Variants in EXOC2 observed in about 807,000 individuals in gnomAD.
EXOC2 encodes SEC5-like 1.
Under a neutral mutation model 131.8 loss-of-function variants are expected in EXOC2, and 70 were observed. That is an observed-to-expected ratio of 0.53 (90% CI 0.44 to 0.65). EXOC2 has a LOEUF of 0.65. EXOC2 is among the 30% of genes least tolerant of loss of function. The probability of loss-of-function intolerance (pLI) is 0.00; values close to 1 mark genes in which losing one functional copy is unlikely to be tolerated. For synonymous variants in EXOC2, 411 were observed against 398.4 expected (o/e 1.03, Z -0.38); for missense variants, 923 against 1,108.6 (o/e 0.83, Z 2.38).
chr6:692,342 T>A (rs1158311997), intron 1 of EXOC2, among the ~76,000 whole-genome samples: 1 of 152,242 alleles, frequency 6.6e-6, no homozygotes, highest in Non-Finnish European at 1.5e-5. Context: ...TTAACAATCT[T>A]GGGATACAGG....
At chr6:540,384 A>G (rs1337602910) in intron 22 of EXOC2, among the ~76,000 whole-genome samples, 1 of 152,226 alleles carries the variant, frequency 6.6e-6, no homozygotes, top group Non-Finnish European at 1.5e-5. Context: ...GAATAATCGG[A>G]AAGACACTGG....
At chr6:612,377 A>C (rs914516283) in intron 6 of EXOC2, among the ~76,000 whole-genome samples, 9 of 152,270 alleles carry the variant, frequency 5.9e-5, no homozygotes, top group African/African-American at 1.7e-4. Context: ...GAGAAGAGGA[A>C]GGGTTAGTGT....
At chr6:563,012 A>G (rs1230230790) in intron 16 of EXOC2, among the ~76,000 whole-genome samples, 167 bp from the exon 17 acceptor site, 1 of 152,258 alleles carries the variant, frequency 6.6e-6, no homozygotes, top group East Asian at 1.9e-4. Context: ...TGATTTAAGT[A>G]CATATTGTTC....
At chr6:604,849 T>G (rs1760315223) in intron 7 of EXOC2, among the ~76,000 whole-genome samples, 1 of 151,518 alleles carries the variant, frequency 6.6e-6, no homozygotes, top group African/African-American at 2.4e-5. Flanking sequence ...GGCCTCTGCT[T>G]GTCTGGGTAC....
chr6:615,119 T>C (rs895714290), intron 6 of EXOC2, among the ~76,000 whole-genome samples: 1 of 151,932 alleles, frequency 6.6e-6, no homozygotes, highest in African/African-American at 2.4e-5. Context: ...ATAGAGAATT[T>C]CAGGGAAAAC....
At chr6:686,231 G>T (rs916620283) in intron 1 of EXOC2, among the ~76,000 whole-genome samples, 3 of 151,612 alleles carry the variant, frequency 2.0e-5, no homozygotes, top group Non-Finnish European at 4.4e-5. Context: ...CAAAGTGCTG[G>T]GATTACAGGT....
chr6:642,053 C>G (rs1762379225), intron 1 of EXOC2, among the ~76,000 whole-genome samples: 1 of 152,070 alleles, frequency 6.6e-6, no homozygotes, highest in African/African-American at 2.4e-5. Context: ...CCACTCCTCT[C>G]CTCTGACATT....
chr6:614,205 A>C lies in EXOC2; in HGVS notation c.661+3506T>G, dbSNP rs528442166. ...CACGGGCCACACTAGATAATCTAAC[A>C]ATGGAATTTACGGTGAGGACTTAGG... is the stretch of plus-strand genomic sequence containing the variant. On this transcript the variant is annotated intron_variant, in intron 6 of 27. Transcript: ENST00000230449. Among the ~76,000 whole-genome samples the C allele has an allele frequency of 2.6e-5, 4 of 152,080 alleles. No individual in the cohort carries two copies. In the South Asian group the frequency reaches 8.3e-4, roughly 32 times the overall value.
At chr6:649,516 TA>T (rs141997420) in intron 1 of EXOC2, among the ~76,000 whole-genome samples, 4 of 151,602 alleles carry the variant, frequency 2.6e-5, no homozygotes, top group Non-Finnish European at 4.4e-5. Context: ...CTGGTTTGCT[TA>T]AAAAAAAATC....
intron 22 of EXOC2, among the ~76,000 whole-genome samples, chr6:547,042 GGT>G (rs1291990739): frequency 6.6e-6 from 1 of 152,196 alleles, no homozygotes; most frequent in East Asian, 1.9e-4. Context: ...TGCTCTTACA[GGT>G]CAAGTCCTTG....
At chr6:618,285 AT>A (rs1386081552) in intron 5 of EXOC2, among the ~76,000 whole-genome samples, 1 of 152,250 alleles carries the variant, frequency 6.6e-6, no homozygotes, top group African/African-American at 2.4e-5. Flanking sequence ...TGTTATACTT[AT>A]CAGTATCCAG....
chr6:598,119 A>G lies in EXOC2; in HGVS notation c.975T>C (p.Tyr325=), dbSNP rs756621504. ...KTEVQVFKKY[Y]AEVETRIEAL... ...CTTCAATCCTTGTTTCTACTTCAGC[A>G]TAATCTATTTAAAAAGAAAAGAATA... Residue 325 remains tyrosine, a synonymous_variant, in exon 10 of 28, where the codon TAT becomes TAC. Coordinates refer to ENST00000230449, the MANE Select transcript of EXOC2 (RefSeq NM_018303.6). The G allele has an allele frequency of 1.2e-6, 2 of 1,601,584 alleles. No individual in the cohort carries two copies. Among genetic ancestry groups the G allele is most frequent in the Non-Finnish European group, 1.7e-6 (2 of 1,172,850 alleles).
intron 1 of EXOC2, among the ~76,000 whole-genome samples, chr6:655,388 C>T (rs1763026326): frequency 6.6e-6 from 1 of 152,174 alleles, no homozygotes; most frequent in Non-Finnish European, 1.5e-5. Context: ...ATAATGCAAA[C>T]ATAACTTTTA....
At chr6:579,176 A>C (rs1043407673) in intron 11 of EXOC2, among the ~76,000 whole-genome samples, 1 of 152,188 alleles carries the variant, frequency 6.6e-6, no homozygotes, top group Non-Finnish European at 1.5e-5. Flanking sequence ...TTCCTGCAAA[A>C]ATACAATTAT....
At chr6:497,821 GAA>G in intron 24 of EXOC2, among the ~76,000 whole-genome samples, 1 of 152,114 alleles carries the variant, frequency 6.6e-6, no homozygotes. Flanking sequence ...AGAAATTAGA[GAA>G]ATAAGAACAT....
chr6:591,949 A>C (rs566790871), intron 11 of EXOC2, among the ~76,000 whole-genome samples: 1 of 152,210 alleles, frequency 6.6e-6, no homozygotes, highest in East Asian at 1.9e-4. Context: ...CTTCTCTGAG[A>C]CATTCCCACA....
chr6:549,224 G>A lies in EXOC2; in HGVS notation c.2189C>T (p.Ala730Val). The A allele has an allele frequency of 6.2e-7, 1 of 1,614,130 alleles. No individual in the cohort carries two copies. The highest frequency in any genetic ancestry group is 2.2e-5 in the East Asian group (1 of 44,880). The change falls in exon 22 of 28, where the codon GCA becomes GTA. Residue 730 changes from alanine to valine, a missense_variant. By Grantham distance (64) the Ala-to-Val change is moderately conservative. Transcript: ENST00000230449. ...GAAGTTGTGCTTTTCAAAATGTTCT[G>A]CGATATTTAGGAAGGTGTGACGTTC... ...YLERHTFLNI[A>V]EHFEKHNFQG...
At chr6:511,486 T>C (rs546418107) in intron 23 of EXOC2, among the ~76,000 whole-genome samples, 2 of 152,334 alleles carry the variant, frequency 1.3e-5, no homozygotes, top group East Asian at 3.9e-4. Flanking sequence ...TGCATACATT[T>C]AAGGAGACTA....
At chr6:629,589 C>T (rs1280959674) in intron 4 of EXOC2, among the ~76,000 whole-genome samples, 31 of 152,118 alleles carry the variant, frequency 2.0e-4, no homozygotes, top group Non-Finnish European at 1.2e-4. Context: ...TTTTCTTTTT[C>T]ACAAAATGCA....
Sources: allele counts gnomAD v4.1 joint callset (sites outside exome capture counted in the v4.1 genomes callset), GRCh38; gene constraint gnomAD v4.1.1; transcripts MANE v1.5; gene names NCBI Gene and HGNC (gene_info 2026-07-23, HGNC 2026-07-21).